Variants in RAB31 observed in about 807,000 individuals in gnomAD.
RAB31 encodes the protein RAB31, member RAS oncogene family.
In RAB31, 21 loss-of-function variants were observed where a neutral mutation model predicts 25.6. The observed-to-expected ratio is 0.82, with a 90% CI of 0.58 to 1.18. The LOEUF (loss-of-function observed/expected upper bound fraction) is 1.18, where lower values mean the gene tolerates loss of function less well. Ranked by LOEUF, RAB31 falls within the 50% of genes most tolerant of loss-of-function variation. The pLI is 0.00. For missense variants in RAB31, 196 were observed against 250.1 expected (o/e 0.78, Z 1.46); for synonymous variants, 87 against 84.0 (o/e 1.04, Z -0.20).
chr18:9,834,480 C>G (rs768443765), intron 5 of RAB31, among the ~76,000 whole-genome samples: 3 of 152,148 alleles, frequency 2.0e-5, no homozygotes, highest in Non-Finnish European at 2.9e-5. Context: ...AAACACCTTT[C>G]CTATAGGCAT....
intron 5 of RAB31, among the ~76,000 whole-genome samples, chr18:9,825,517 C>G (rs2068645489): frequency 6.6e-6 from 1 of 152,164 alleles, no homozygotes; most frequent in Non-Finnish European, 1.5e-5. Flanking sequence ...GTTAAAAATT[C>G]CAGTTCTAGG....
At chr18:9,852,900 G>A (rs562581553) in intron 6 of RAB31, among the ~76,000 whole-genome samples, 15 of 152,274 alleles carry the variant, frequency 9.9e-5, no homozygotes, top group African/African-American at 1.2e-4. Flanking sequence ...GCTTGGTACC[G>A]TCGGTTTGTA....
intron 5 of RAB31, among the ~76,000 whole-genome samples, chr18:9,841,400 G>A (rs34019850): frequency 0.57 from 86,869 of 151,566 alleles, 25,109 homozygotes; most frequent in South Asian, 0.72. Flanking sequence ...TTAGCCGAGC[G>A]TGGTGGCAGG....
intron 1 of RAB31, among the ~76,000 whole-genome samples, chr18:9,726,469 G>A (rs979184588): frequency 1.2e-4 from 18 of 152,304 alleles, no homozygotes; most frequent in East Asian, 5.8e-4. Flanking sequence ...AATACTGACA[G>A]TTTGCGTAGA....
intron 6 of RAB31, among the ~76,000 whole-genome samples, chr18:9,848,495 A>C (rs2068773026): frequency 6.6e-6 from 1 of 152,294 alleles, no homozygotes; most frequent in Non-Finnish European, 1.5e-5. Context: ...CCTTCATGTG[A>C]ATTTCTTCAG....
intron 3 of RAB31, among the ~76,000 whole-genome samples, chr18:9,812,689 A>G (rs1338969847): frequency 6.6e-5 from 6 of 90,234 alleles, no homozygotes; most frequent in African/African-American, 2.6e-4. Flanking sequence ...CCAGGATACT[A>G]TTTTTTTTTT....
intron 3 of RAB31, among the ~76,000 whole-genome samples, chr18:9,807,647 G>A (rs1347146046): frequency 6.6e-6 from 1 of 151,998 alleles, no homozygotes; most frequent in Admixed American, 6.5e-5. Flanking sequence ...CTAGGGATTG[G>A]AATATTCCAG....
intron 1 of RAB31, among the ~76,000 whole-genome samples, chr18:9,738,220 T>C (rs2068160106): frequency 6.6e-6 from 1 of 152,220 alleles, no homozygotes. Context: ...AATGTGTATT[T>C]GGTCTTCATC....
intron 6 of RAB31, among the ~76,000 whole-genome samples, chr18:9,857,651 AG>A (rs1568198041): frequency 1.1e-3 from 136 of 124,176 alleles, no homozygotes; most frequent in African/African-American, 3.7e-3. Context: ...ATAGATAGAT[AG>A]ATAGATAGAT....
chr18:9,855,388 A>G (rs1483583203), intron 6 of RAB31, among the ~76,000 whole-genome samples: 5 of 152,192 alleles, frequency 3.3e-5, no homozygotes, highest in Admixed American at 2.6e-4. Context: ...CACATTTTGT[A>G]AGAGTGGAAA....
intron 2 of RAB31, among the ~76,000 whole-genome samples, chr18:9,781,700 T>C (rs1360115332): frequency 6.6e-6 from 1 of 152,250 alleles, no homozygotes; most frequent in African/African-American, 2.4e-5. Context: ...CTTGATATAA[T>C]TTAACTTCTT....
At chr18:9,845,536 TACAA>T (rs773641722) in intron 5 of RAB31, 42 bp from the exon 6 acceptor site, 22 of 1,467,338 alleles carry the variant, frequency 1.5e-5, no homozygotes, top group African/African-American at 2.9e-5. Flanking sequence ...ATTTGTATTT[TACAA>T]ACAAACATTC....
intron 3 of RAB31, 88 bp downstream of exon 3, chr18:9,792,323 T>G: frequency 6.7e-7 from 1 of 1,496,354 alleles, no homozygotes; most frequent in Non-Finnish European, 9.0e-7. Context: ...ACAAGACTCT[T>G]GGTTGCAGGT....
At chr18:9,848,448 C>G (rs1174454798) in intron 6 of RAB31, among the ~76,000 whole-genome samples, 1 of 152,250 alleles carries the variant, frequency 6.6e-6, no homozygotes, top group Non-Finnish European at 1.5e-5. Flanking sequence ...GCCTGTCTAT[C>G]TGCATGTGTA....
intron 5 of RAB31, among the ~76,000 whole-genome samples, chr18:9,834,261 G>A (rs926127599): frequency 2.0e-5 from 3 of 152,026 alleles, no homozygotes; most frequent in African/African-American, 4.8e-5. Context: ...GACTACAGGC[G>A]CCCGCCACCA....
chr18:9,727,370 G>A (rs1429833964), intron 1 of RAB31, among the ~76,000 whole-genome samples: 1 of 152,230 alleles, frequency 6.6e-6, no homozygotes, highest in Non-Finnish European at 1.5e-5. Context: ...AGGCTAGAGT[G>A]CAGTGGTGTG....
intron 1 of RAB31, among the ~76,000 whole-genome samples, chr18:9,711,170 TTC>T (rs111627591): frequency 4.0e-5 from 6 of 150,478 alleles, no homozygotes; most frequent in East Asian, 2.0e-4. Flanking sequence ...GTTTACTCTC[TTC>T]TCTCTCTCTC....
chr18:9,723,061 T>A (rs1416846439), intron 1 of RAB31, among the ~76,000 whole-genome samples: 1 of 152,224 alleles, frequency 6.6e-6, no homozygotes, highest in East Asian at 1.9e-4. Context: ...AAGCATTTTT[T>A]TTTTGAGACC....
chr18:9,720,508 G>A (rs2068068684), intron 1 of RAB31, among the ~76,000 whole-genome samples: 1 of 152,030 alleles, frequency 6.6e-6, no homozygotes, highest in South Asian at 2.1e-4. Context: ...ACCAGAAGAA[G>A]GGCTGATGTC....
Sources: gnomAD v4.1 joint callset for allele counts (sites outside exome capture counted in the v4.1 genomes callset) on GRCh38, gnomAD v4.1.1 for gene constraint, MANE v1.5 for transcripts, NCBI Gene and HGNC (gene_info 2026-07-23, HGNC 2026-07-21) for gene names.